Variants in GPC6 observed in about 807,000 individuals in gnomAD.
GPC6 encodes glypican 6.
Under a neutral mutation model 55.2 loss-of-function variants are expected in GPC6, and 14 were observed. That is an observed-to-expected ratio of 0.25 (90% CI 0.17 to 0.40). GPC6 has a LOEUF of 0.40. Ranked by LOEUF, GPC6 falls within the 10% of genes least tolerant of loss-of-function variation. GPC6 has a pLI of 1.00. For synonymous variants in GPC6, 278 were observed against 259.6 expected, an observed-to-expected ratio of 1.07 and a Z score of -0.68; for missense variants, 641 against 708.5, an observed-to-expected ratio of 0.90 and a Z score of 1.08.
At chr13:93,896,848 G>A (rs1228712485) in intron 3 of GPC6, among the ~76,000 whole-genome samples, 1 of 151,900 alleles carries the variant, frequency 6.6e-6, no homozygotes, top group Non-Finnish European at 1.5e-5. Context: ...AACACCAAGA[G>A]AAACAAAATA....
At chr13:94,374,391 C>CA (rs982514091) in intron 6 of GPC6, among the ~76,000 whole-genome samples, 3 of 148,300 alleles carry the variant, frequency 2.0e-5, no homozygotes, top group Non-Finnish European at 4.5e-5. Flanking sequence ...AAATGGAAAA[C>CA]AAAAAAAGGC....
intron 2 of GPC6, among the ~76,000 whole-genome samples, chr13:93,690,676 A>G (rs536391200): frequency 6.6e-6 from 1 of 152,160 alleles, no homozygotes; most frequent in East Asian, 1.9e-4. Context: ...GAGCAGGTAG[A>G]ATTTCATTCT....
At chr13:93,736,709 G>A (rs566080221) in intron 2 of GPC6, among the ~76,000 whole-genome samples, 8 of 152,252 alleles carry the variant, frequency 5.3e-5, no homozygotes, top group African/African-American at 1.7e-4. Flanking sequence ...ACCAGTTGAA[G>A]AAAAATAGTA....
intron 4 of GPC6, among the ~76,000 whole-genome samples, chr13:94,109,818 C>T (rs965995505): frequency 2.6e-5 from 4 of 151,910 alleles, no homozygotes; most frequent in Admixed American, 1.3e-4. Context: ...TAAGGCTGCC[C>T]AGATCTCTTT....
At chr13:93,812,493 A>C (rs1245907392) in intron 2 of GPC6, among the ~76,000 whole-genome samples, 4 of 152,262 alleles carry the variant, frequency 2.6e-5, no homozygotes. Context: ...TTTTACAAGA[A>C]TATGTTTAAT....
At chr13:94,390,598 T>G (rs1202624365) in intron 7 of GPC6, among the ~76,000 whole-genome samples, 1 of 151,964 alleles carries the variant, frequency 6.6e-6, no homozygotes, top group Admixed American at 6.6e-5. Context: ...TCGAGAGAAA[T>G]CTATCATGAG....
At chr13:93,267,935 T>G (rs190893118) in intron 1 of GPC6, among the ~76,000 whole-genome samples, 144 of 152,316 alleles carry the variant, frequency 9.5e-4, no homozygotes, top group African/African-American at 3.4e-3. Context: ...TAGAGATATA[T>G]GTTGCTGAGC....
At chr13:93,483,672 G>T (rs1238160452) in intron 1 of GPC6, among the ~76,000 whole-genome samples, 1 of 152,070 alleles carries the variant, frequency 6.6e-6, no homozygotes, top group African/African-American at 2.4e-5. Context: ...GTAATAAAAA[G>T]AGCCCTAAAA....
At chr13:94,019,869 T>C (rs1199815371) in intron 3 of GPC6, among the ~76,000 whole-genome samples, 1 of 152,194 alleles carries the variant, frequency 6.6e-6, no homozygotes, top group Non-Finnish European at 1.5e-5. Flanking sequence ...GTAATGTTCC[T>C]TCTTTCACTT....
chr13:94,301,881 A>G (rs955872758), intron 5 of GPC6, among the ~76,000 whole-genome samples: 2 of 152,132 alleles, frequency 1.3e-5, no homozygotes, highest in Non-Finnish European at 2.9e-5. Flanking sequence ...TCACATTATT[A>G]TTTCTCAATT....
At chr13:94,401,134 G>C (rs1409358103) in intron 8 of GPC6, among the ~76,000 whole-genome samples, 3 of 152,170 alleles carry the variant, frequency 2.0e-5, no homozygotes, top group African/African-American at 7.2e-5. Flanking sequence ...AACTGCAAAA[G>C]TTGAGTAACT....
intron 1 of GPC6, among the ~76,000 whole-genome samples, chr13:93,323,392 C>G (rs1298100186): frequency 1.3e-5 from 2 of 152,194 alleles, no homozygotes; most frequent in Non-Finnish European, 2.9e-5. Flanking sequence ...AATGGCCTCT[C>G]ATAGAATGGT....
intron 1 of GPC6, among the ~76,000 whole-genome samples, chr13:93,231,400 T>TAC (rs1876044836): frequency 3.4e-5 from 1 of 29,120 alleles, no homozygotes; most frequent in African/African-American, 1.6e-4. Context: ...TATATATGTA[T>TAC]ATATATATAT....
chr13:93,985,418 C>T (rs568550632), intron 3 of GPC6, among the ~76,000 whole-genome samples: 1 of 151,744 alleles, frequency 6.6e-6, no homozygotes, highest in Non-Finnish European at 1.5e-5. Context: ...GCCCGGGCAA[C>T]AGAGCAAGAC....
At chr13:93,985,689 CAAAAAAAA>C (rs34003218) in intron 3 of GPC6, among the ~76,000 whole-genome samples, 40 of 69,406 alleles carry the variant, frequency 5.8e-4, no homozygotes, top group Middle Eastern at 9.8e-3. Context: ...AAGACCTGGC[CAAAAAAAA>C]AAAAAAAAAA....
In GPC6 at chr13:93,866,787, G is replaced by A. The variant is rs1888979378; in HGVS notation, c.711+36242G>A. On this transcript the variant is annotated intron_variant, in intron 3 of 8. Transcript: ENST00000377047. ...AATGGGTACCAGGCTAAATACCTGG[G>A]TGATGCAATAATCTGTATCACAAAC... Among the ~76,000 whole-genome samples, 3 of 151,740 alleles carry A rather than the reference G, an allele frequency of 2.0e-5. No individual in the cohort carries two copies. The South Asian group carries it at 6.2e-4, about 32-fold the overall frequency.
At chr13:93,663,811 A>G (rs1247112237) in intron 2 of GPC6, among the ~76,000 whole-genome samples, 1 of 152,178 alleles carries the variant, frequency 6.6e-6, no homozygotes, top group East Asian at 1.9e-4. Context: ...ACTGTGCTAG[A>G]TGTATAGGTA....
At chr13:94,369,593 A>T (rs1209694256) in intron 6 of GPC6, among the ~76,000 whole-genome samples, 3 of 152,172 alleles carry the variant, frequency 2.0e-5, no homozygotes, top group Non-Finnish European at 4.4e-5. Flanking sequence ...TTCCATTTTT[A>T]ATTAATTTCT....
At chr13:94,010,775 C>G (rs1882211669) in intron 3 of GPC6, among the ~76,000 whole-genome samples, 1 of 152,048 alleles carries the variant, frequency 6.6e-6, no homozygotes, top group African/African-American at 2.4e-5. Flanking sequence ...AAGCTTTGAC[C>G]TACAACTTAA....
Sources: allele counts gnomAD v4.1 joint callset (sites outside exome capture counted in the v4.1 genomes callset), GRCh38; gene constraint gnomAD v4.1.1; transcripts MANE v1.5; gene names NCBI Gene and HGNC (gene_info 2026-07-23, HGNC 2026-07-21).